Variants in SLC12A6 observed in about 807,000 individuals in gnomAD.
SLC12A6 encodes K-Cl cotransporter 3.
A neutral mutation model predicts 135.3 loss-of-function variants in SLC12A6; 66 were observed. The observed-to-expected ratio is 0.49, with a 90% CI of 0.40 to 0.60. SLC12A6 has a LOEUF of 0.60. SLC12A6 is among the 20% of genes least tolerant of loss of function. The probability of loss-of-function intolerance (pLI) is 0.00; values close to 1 mark genes in which losing one functional copy is unlikely to be tolerated. For missense variants in SLC12A6, 1,058 were observed against 1,452.3 expected (o/e 0.73, Z 4.41); for synonymous variants, 513 against 508.8 (o/e 1.01, Z -0.11).
At chr15:34,283,204 A>G (rs943889690) in intron 2 of SLC12A6, among the ~76,000 whole-genome samples, 1 of 152,140 alleles carries the variant, frequency 6.6e-6, no homozygotes, top group African/African-American at 2.4e-5. Flanking sequence ...TCAGCCAGGC[A>G]TGGTGGCAGG....
chr15:34,263,629 T>C (rs897436107), intron 3 of SLC12A6, among the ~76,000 whole-genome samples: 6 of 151,686 alleles, frequency 4.0e-5, no homozygotes, highest in Non-Finnish European at 7.4e-5. Flanking sequence ...GCAAAAGTTA[T>C]ATAATTACAG....
chr15:34,240,934 G>C lies in SLC12A6; in HGVS notation c.2268-105C>G. 6 of 906,706 alleles carry C rather than the reference G, an allele frequency of 6.6e-6. No homozygotes were observed. The East Asian group carries it at 1.6e-4, about 24-fold the overall frequency. The allele number at this position is 906,706 out of a possible 1,614,324, so 56.2% of individuals were successfully genotyped here. On this transcript the variant is annotated intron_variant, in intron 18 of 25. Transcript: ENST00000354181. ...TAATTCAGGAGATCTGTATGAAACA[G>C]GTAATTTGACAGAAGGAAGAGATCA...
intron 2 of SLC12A6, among the ~76,000 whole-genome samples, chr15:34,334,385 T>C (rs886798132): frequency 1.3e-5 from 2 of 152,184 alleles, no homozygotes; most frequent in Non-Finnish European, 2.9e-5. Context: ...GAAGTGTATA[T>C]TAACATTAGG....
intron 2 of SLC12A6, among the ~76,000 whole-genome samples, chr15:34,300,006 A>G (rs1237389844): frequency 6.6e-6 from 1 of 152,208 alleles, no homozygotes; most frequent in Non-Finnish European, 1.5e-5. Flanking sequence ...AAATTTGAGA[A>G]TTATTTGGAA....
At chr15:34,329,095 C>T (rs886949024) in intron 2 of SLC12A6, among the ~76,000 whole-genome samples, 16 of 152,198 alleles carry the variant, frequency 1.1e-4, no homozygotes, top group Non-Finnish European at 2.4e-4. Context: ...AAACACACAT[C>T]ACCAAAAACT....
At chr15:34,333,914 C>A (rs1006794609) in intron 2 of SLC12A6, among the ~76,000 whole-genome samples, 1 of 151,572 alleles carries the variant, frequency 6.6e-6, no homozygotes, top group African/African-American at 2.4e-5. Context: ...CTACTAAATA[C>A]AAAAAATTAG....
chr15:34,308,698 T>C (rs898395839), intron 2 of SLC12A6, among the ~76,000 whole-genome samples: 1 of 150,672 alleles, frequency 6.6e-6, no homozygotes, highest in African/African-American at 2.4e-5. Flanking sequence ...TCTCAATTTT[T>C]AGTGCCATTT....
rs1187188279 is a variant in SLC12A6 at position 34,336,593 on chromosome 15, C to G, written c.88G>C (p.Asp30His). ...CGAGAGCTGAGGTCCGGACTGGTGTCTGACAAACCTGGAATGTCATCGATC... is the reference window on the plus strand; with the variant it reads ...CGAGAGCTGAGGTCCGGACTGGTGTGTGACAAACCTGGAATGTCATCGATC... ...TKIDDIPGLSDTSPDLSSRSS... is the reference protein window; with the variant it reads ...TKIDDIPGLSHTSPDLSSRSS... Residue 30 changes from aspartate (D) to histidine (H), a missense_variant, in exon 2 of 26, where the codon GAC becomes CAC. This residue lies in a region of SLC12A6 where 176 missense variants were observed against 168.9 expected (regional missense o/e 1.04). Coordinates refer to ENST00000354181, the MANE Select transcript of SLC12A6 (RefSeq NM_001365088.1). 6.2e-7 allele frequency: 1 copy of G among 1,613,792 alleles called. No individual in the cohort carries two copies. Among genetic ancestry groups the G allele is most frequent in the African/African-American group, 1.3e-5 (1 of 74,982 alleles).
At chr15:34,234,331 T>C (rs150523376) in intron 25 of SLC12A6, among the ~76,000 whole-genome samples, 59 of 152,256 alleles carry the variant, frequency 3.9e-4, no homozygotes, top group African/African-American at 1.4e-3. Context: ...GTCAGATTTT[T>C]CTGCCAGTTC....
At chr15:34,273,401 G>T (rs1894094050) in intron 3 of SLC12A6, among the ~76,000 whole-genome samples, 1 of 152,092 alleles carries the variant, frequency 6.6e-6, no homozygotes. Flanking sequence ...CACACGGTCA[G>T]GACCTTGGTG....
intron 2 of SLC12A6, among the ~76,000 whole-genome samples, chr15:34,320,339 G>A (rs7167379): frequency 0.04 from 6,033 of 152,166 alleles, 222 homozygotes; most frequent in African/African-American, 0.1. Context: ...TGTCATTTGC[G>A]GCAACACGGA....
At chr15:34,252,051 TAAG>T in intron 10 of SLC12A6, 116 bp downstream of exon 10, 3 of 688,462 alleles carry the variant, frequency 4.4e-6, no homozygotes, top group Non-Finnish European at 7.9e-6. Context: ...GTGGTGTGCT[TAAG>T]AAGGGAATTA....
chr15:34,250,310 A>T lies in SLC12A6; in HGVS notation c.1637T>A (p.Val546Asp). 1 of 1,570,074 alleles carries T rather than the reference A, an allele frequency of 6.4e-7. No homozygotes were observed. The highest frequency in any genetic ancestry group is 8.8e-7 in the Non-Finnish European group (1 of 1,139,744). ...VLFGACIEGV[V>D]LRDKFGDAVK... ...ATTCATTACTCACTTGTCTCTGAGA[A>T]CAACCCCTTCAATACATGCACCAAA... The change falls in exon 13 of 26, where the codon GTT (valine) becomes GAT (aspartate). Residue 546 changes from valine to aspartate, a missense_variant. This residue lies in a region of SLC12A6 where 297 missense variants were observed against 318.5 expected (regional missense o/e 0.93). Coordinates refer to ENST00000354181, the MANE Select transcript of SLC12A6 (RefSeq NM_001365088.1).
intron 9 of SLC12A6, among the ~76,000 whole-genome samples, chr15:34,253,514 A>G (rs1892535621): frequency 6.6e-6 from 1 of 152,250 alleles, no homozygotes; most frequent in African/African-American, 2.4e-5. Context: ...ATAGCATAGA[A>G]GAAATACTGA....
rs1024732005 is a variant in SLC12A6 at position 34,336,389 on chromosome 15, G to A, written c.271+21C>T. The A allele has an allele frequency of 4.4e-6, 7 of 1,597,402 alleles. No individual in the cohort carries two copies. The Admixed American group carries it at 1.2e-4, about 27-fold the overall frequency. On this transcript the variant is annotated intron_variant, in intron 2 of 25. Coordinates refer to ENST00000354181, the MANE Select transcript of SLC12A6 (RefSeq NM_001365088.1). The stretch of plus-strand genomic sequence containing the variant: ...AAGAACCCAGTAATGAAAGTATGCT[G>A]CGGTCTGTGTTTCTACTTACCCTCG...
At chr15:34,269,867 T>C (rs552282214) in intron 3 of SLC12A6, among the ~76,000 whole-genome samples, 1 of 152,322 alleles carries the variant, frequency 6.6e-6, no homozygotes, top group South Asian at 2.1e-4. Flanking sequence ...CTGGTTGTCT[T>C]TCCTTTTGAG....
chr15:34,257,619 C>A (rs1220668959), intron 6 of SLC12A6, 23 bp downstream of exon 6: 1 of 1,608,236 alleles, frequency 6.2e-7, no homozygotes, highest in South Asian at 1.1e-5. Context: ...CAGGTGATCT[C>A]TAGGAGCCAG....
At chr15:34,268,623 G>C (rs151113216) in intron 3 of SLC12A6, among the ~76,000 whole-genome samples, 24 of 152,306 alleles carry the variant, frequency 1.6e-4, no homozygotes, top group African/African-American at 5.8e-4. Context: ...GCCTTCAAAA[G>C]TTTAGGTCAC....
At chr15:34,331,634 T>G (rs1204321016) in intron 2 of SLC12A6, among the ~76,000 whole-genome samples, 1 of 152,216 alleles carries the variant, frequency 6.6e-6, no homozygotes. Flanking sequence ...CATATTACAC[T>G]AGGTGTAAAT....
Sources: allele counts gnomAD v4.1 joint callset (sites outside exome capture counted in the v4.1 genomes callset), GRCh38; gene constraint gnomAD v4.1.1; regional missense constraint gnomAD v4.1.1; transcripts MANE v1.5; gene names NCBI Gene and HGNC (gene_info 2026-07-23, HGNC 2026-07-21).